Variants in VPS50 observed in about 807,000 individuals in gnomAD.
VPS50 encodes syndetin.
In VPS50, 70 loss-of-function variants were observed where a neutral mutation model predicts 139.7. The observed-to-expected ratio is 0.50, with a 90% CI of 0.41 to 0.61. The LOEUF (loss-of-function observed/expected upper bound fraction) is 0.61. Among genes scored for constraint, VPS50 ranks in the 20% least tolerant of loss-of-function variants. The pLI, the probability that VPS50 is intolerant of heterozygous loss-of-function variation, is 0.00. For missense variants in VPS50, 921 were observed against 1,133.7 expected (o/e 0.81, Z 2.69); for synonymous variants, 365 against 376.7 (o/e 0.97, Z 0.36).
chr7:93,257,092 A>G (rs1281898544), intron 5 of VPS50, among the ~76,000 whole-genome samples: 3 of 152,090 alleles, frequency 2.0e-5, no homozygotes, highest in Admixed American at 1.3e-4. Context: ...AGGAATTTAA[A>G]CAGATATATT....
Position 93,277,436 on chromosome 7 carries a change from T to C in VPS50, c.942+1131T>C, listed in dbSNP as rs1011217918. ...AGGAAATTATAACACTTCTAGTAAG[T>C]AGATATCTATTCTGCTTTGTAATTG... On this transcript the variant is annotated intron_variant, in intron 12 of 27. Transcript: ENST00000305866. Among the ~76,000 whole-genome samples, 3 of 152,318 alleles carry C rather than the reference T, an allele frequency of 2.0e-5. 1 individual carries two copies. The highest frequency in any genetic ancestry group is 4.1e-4 in the South Asian group (2 of 4,832).
At chr7:93,289,166 T>C (rs892974858) in intron 12 of VPS50, among the ~76,000 whole-genome samples, 3 of 152,128 alleles carry the variant, frequency 2.0e-5, no homozygotes, top group African/African-American at 7.2e-5. Flanking sequence ...GAGAGAATCT[T>C]TGTCAGTGGT....
intron 21 of VPS50, among the ~76,000 whole-genome samples, chr7:93,326,459 A>AAT (rs1554375673): frequency 2.7e-5 from 4 of 149,960 alleles, no homozygotes; most frequent in African/African-American, 9.9e-5. Context: ...ATAATAAAAA[A>AAT]AAAATAAAAT....
intron 12 of VPS50, among the ~76,000 whole-genome samples, chr7:93,288,392 T>G (rs1796554449): frequency 6.6e-6 from 1 of 152,208 alleles, no homozygotes; most frequent in Non-Finnish European, 1.5e-5. Context: ...TTTGGACATT[T>G]AAATATATTT....
At chr7:93,306,538 G>A (rs115497352) in intron 18 of VPS50, among the ~76,000 whole-genome samples, 277 of 151,988 alleles carry the variant, frequency 1.8e-3, no homozygotes, top group African/African-American at 6.5e-3. Flanking sequence ...CGTAGTGTGA[G>A]TTAGTGGAAA....
chr7:93,295,140 T>A (rs1442896551), intron 14 of VPS50, among the ~76,000 whole-genome samples: 1 of 152,204 alleles, frequency 6.6e-6, no homozygotes, highest in Admixed American at 6.5e-5. Flanking sequence ...TTTAGTCCAT[T>A]TGGGCTCCTA....
chr7:93,345,541 C>T (rs1208120304), intron 23 of VPS50, among the ~76,000 whole-genome samples: 2 of 152,170 alleles, frequency 1.3e-5, no homozygotes, highest in East Asian at 1.9e-4. Flanking sequence ...GAATTTTAGA[C>T]CAATATCCTT....
chr7:93,335,140 G>A (rs1157324029), intron 22 of VPS50, among the ~76,000 whole-genome samples: 1 of 152,174 alleles, frequency 6.6e-6, no homozygotes, highest in Non-Finnish European at 1.5e-5. Context: ...GATATTTCCT[G>A]TCTTGGAACT....
rs747107849 is a variant in VPS50, at chr7:93,356,030, G to T, written c.2725G>T (p.Ala909Ser). 19 of 1,560,852 alleles carry T rather than the reference G, an allele frequency of 1.2e-5. No homozygotes were observed. The highest frequency in any genetic ancestry group is 3.4e-4 in the Middle Eastern group (2 of 5,864). ...AGAATTTGTAGAAACTTATATTAAA[G>T]CTTATTACCTAACTGAGAATGACAT... The part of the protein sequence containing the change: ...DKEFVETYIK[A>S]YYLTENDMER... The change falls in exon 27 of 28, where the codon GCT (alanine) becomes TCT (serine). Residue 909 changes from alanine to serine, a missense_variant. By Grantham distance (99) the Ala-to-Ser change is moderately conservative. Transcript: ENST00000305866.
At chr7:93,261,536 G>A (rs1038021234) in intron 9 of VPS50, among the ~76,000 whole-genome samples, 3 of 151,662 alleles carry the variant, frequency 2.0e-5, no homozygotes, top group African/African-American at 7.3e-5. Context: ...AAATTAGCCG[G>A]GCCTGGTGGC....
In VPS50 at chr7:93,256,569, T is replaced by C. The variant is rs1795489075; in HGVS notation, c.351+7T>C. The stretch of plus-strand genomic sequence containing the variant: ...ACAGCCTGCTTATGTAAAGGTAGGA[T>C]AATATTTGTTATTTTTTGTAGTAGA... On this transcript the variant is annotated splice_region_variant and intron_variant, in intron 5 of 27. Transcript: ENST00000305866. 7.0e-7 allele frequency: 1 copy of C among 1,423,780 alleles called. No individual in the cohort carries two copies. The highest frequency in any genetic ancestry group is 9.5e-7 in the Non-Finnish European group (1 of 1,050,208). 88.2% of individuals were successfully genotyped at this position (1,423,780 alleles called of 1,614,324 possible). A position where few individuals can be genotyped will look rare whatever the true frequency, so the allele number is the denominator to read the frequency against.
At chr7:93,347,838 AG>A (rs1368021852) in intron 23 of VPS50, among the ~76,000 whole-genome samples, 1 of 78,810 alleles carries the variant, frequency 1.3e-5, no homozygotes, top group Non-Finnish European at 2.3e-5. Context: ...GGGTGGGGGG[AG>A]GGGGGAGGGA....
intron 2 of VPS50, among the ~76,000 whole-genome samples, chr7:93,240,249 A>ACT (rs4015280): frequency 0.018 from 2,020 of 109,314 alleles, 33 homozygotes; most frequent in African/African-American, 0.066. Context: ...ACACACACAC[A>ACT]CTCTCTCTCT....
intron 2 of VPS50, among the ~76,000 whole-genome samples, chr7:93,243,723 A>T (rs1050243947): frequency 1.8e-4 from 28 of 151,952 alleles, no homozygotes; most frequent in African/African-American, 6.5e-4. Flanking sequence ...ATTTGTTATA[A>T]TATATGATAG....
At chr7:93,292,719 T>C (rs1257884578) in intron 13 of VPS50, among the ~76,000 whole-genome samples, 2 of 152,168 alleles carry the variant, frequency 1.3e-5, no homozygotes, top group African/African-American at 2.4e-5. Context: ...GTTTTGGTAG[T>C]TTAGAAGGCA....
chr7:93,263,202 A>G lies in VPS50; in HGVS notation c.659+3570A>G, dbSNP rs576163650. 2.0e-5 allele frequency among the ~76,000 whole-genome samples: 3 copies of G among 152,336 alleles called. No individual in the cohort carries two copies. The South Asian group carries it at 6.2e-4, about 32-fold the overall frequency. ...GACTTGGGCTTGTGGAACTTAGCCG[A>G]AGGCAAGATTTAATCTTTGCTTGGA... On this transcript the variant is annotated intron_variant, in intron 9 of 27. Transcript: ENST00000305866.
At chr7:93,276,527 C>A in intron 12 of VPS50, 9 of 568,384 alleles carry the variant, frequency 1.6e-5, no homozygotes, top group Non-Finnish European at 2.4e-5. Flanking sequence ...GATTGCTTCT[C>A]AATCGACTCT....
intron 16 of VPS50, 43 bp downstream of exon 16, chr7:93,297,286 G>A (rs1796839245): frequency 6.8e-7 from 1 of 1,471,758 alleles, no homozygotes; most frequent in Non-Finnish European, 8.9e-7. Flanking sequence ...TTTAGGTAAT[G>A]AGAATACTTT....
intron 20 of VPS50, among the ~76,000 whole-genome samples, chr7:93,314,180 C>T (rs567007878): frequency 9.0e-4 from 137 of 152,162 alleles, no homozygotes; most frequent in African/African-American, 2.2e-3. Context: ...GGGAGAAGTA[C>T]GGTTGTGTAA....
Sources: allele counts gnomAD v4.1 joint callset (sites outside exome capture counted in the v4.1 genomes callset), GRCh38; gene constraint gnomAD v4.1.1; transcripts MANE v1.5; gene names NCBI Gene and HGNC (gene_info 2026-07-23, HGNC 2026-07-21).